Variants in PPFIBP1 observed in about 807,000 individuals in gnomAD.
PPFIBP1 encodes PPFIB scaffold protein 1.
In PPFIBP1, 112 loss-of-function variants were observed where a neutral mutation model predicts 137.8. That is an observed-to-expected ratio of 0.81 (90% CI 0.70 to 0.95). PPFIBP1 has a LOEUF of 0.95. PPFIBP1 is among the 40% of genes least tolerant of loss of function. The probability of loss-of-function intolerance (pLI) is 0.00; values close to 1 mark genes in which losing one functional copy is unlikely to be tolerated. For synonymous variants in PPFIBP1, 378 were observed against 417.3 expected (o/e 0.91, Z 1.15); for missense variants, 1,083 against 1,196.6 (o/e 0.91, Z 1.40).
intron 1 of PPFIBP1, among the ~76,000 whole-genome samples, chr12:27,546,759 T>C (rs550556496): frequency 1.3e-5 from 2 of 152,274 alleles, no homozygotes; most frequent in South Asian, 4.1e-4. Flanking sequence ...ATGCCTGTAA[T>C]CCCAGCATTT....
intron 7 of PPFIBP1, 162 bp from the exon 8 acceptor site, chr12:27,654,560 C>T (rs1369717893): frequency 2.3e-6 from 2 of 857,070 alleles, no homozygotes; most frequent in South Asian, 4.1e-5. Context: ...AAGATGCCTT[C>T]GTTCTTAAGG....
At chr12:27,576,751 T>G (rs932573449) in intron 1 of PPFIBP1, among the ~76,000 whole-genome samples, 1 of 152,182 alleles carries the variant, frequency 6.6e-6, no homozygotes, top group African/African-American at 2.4e-5. Context: ...TAACATTGAT[T>G]GTTTCAGCTC....
At chr12:27,678,385 C>T (rs570027902) in intron 19 of PPFIBP1, among the ~76,000 whole-genome samples, 4 of 152,286 alleles carry the variant, frequency 2.6e-5, no homozygotes, top group African/African-American at 9.6e-5. Context: ...GTTCATTCTT[C>T]TCTCAGTGCC....
intron 6 of PPFIBP1, 122 bp downstream of exon 6, chr12:27,647,964 T>G: frequency 7.8e-7 from 1 of 1,276,978 alleles, no homozygotes; most frequent in Non-Finnish European, 1.0e-6. Flanking sequence ...GACCAGCACA[T>G]TAAAAAAAAA....
intron 2 of PPFIBP1, among the ~76,000 whole-genome samples, chr12:27,631,926 G>T (rs1592989465): frequency 6.6e-6 from 1 of 152,166 alleles, no homozygotes; most frequent in Non-Finnish European, 1.5e-5. Context: ...TATATAAGTG[G>T]TTATTAAATA....
In PPFIBP1 at chr12:27,525,854, A is replaced by G. The variant is rs574904890; in HGVS notation, c.-124+1489A>G. Among the ~76,000 whole-genome samples, 586 of 152,328 alleles carry G rather than the reference A, an allele frequency of 3.8e-3. 2 individuals are homozygous for G. The highest frequency in any genetic ancestry group is 6.8e-3 in the Middle Eastern group (2 of 294). On this transcript the variant is annotated intron_variant, in intron 1 of 29. Coordinates refer to ENST00000228425, the MANE Select transcript of PPFIBP1 (RefSeq NM_003622.4). ...GTGTTTGGTTGTGCTGTTGTTTATG[A>G]CATACCTGGGTCTGTATTGTTGTTA... is the stretch of plus-strand genomic sequence containing the variant.
At chr12:27,667,766 G>A (rs2059948027) in intron 13 of PPFIBP1, among the ~76,000 whole-genome samples, 1 of 152,190 alleles carries the variant, frequency 6.6e-6, no homozygotes, top group Non-Finnish European at 1.5e-5. Flanking sequence ...TCATCTGAAG[G>A]CTAACTCACT....
At chr12:27,529,860 T>C (rs1002952120) in intron 1 of PPFIBP1, among the ~76,000 whole-genome samples, 5 of 152,228 alleles carry the variant, frequency 3.3e-5, no homozygotes, top group Non-Finnish European at 5.9e-5. Context: ...GCAGTAATAC[T>C]GTACCATATC....
chr12:27,676,796 G>C (rs1247858655), intron 18 of PPFIBP1, 197 bp downstream of exon 18: 1 of 691,430 alleles, frequency 1.4e-6, no homozygotes, highest in Non-Finnish European at 2.5e-6. Flanking sequence ...CTCTCACCCT[G>C]CTCTCTCCTG....
chr12:27,594,783 A>G lies in PPFIBP1; in HGVS notation c.-36+16544A>G, dbSNP rs559249377. Among the ~76,000 whole-genome samples the G allele has an allele frequency of 4.6e-5, 7 of 152,308 alleles. No individual in the cohort carries two copies. The South Asian group carries it at 1.5e-3, about 32-fold the overall frequency. ...AATAACTATCAAAACATTTTGATGG[A>G]CTTCCTTATCTTTTCTATTTATATA... On this transcript the variant is annotated intron_variant, in intron 2 of 29. Coordinates refer to ENST00000228425, the MANE Select transcript of PPFIBP1 (RefSeq NM_003622.4).
chr12:27,648,323 G>A (rs773468233), intron 6 of PPFIBP1, among the ~76,000 whole-genome samples: 1 of 152,098 alleles, frequency 6.6e-6, no homozygotes, highest in Non-Finnish European at 1.5e-5. Flanking sequence ...AGCTAAAATG[G>A]CTTTTATCCA....
At chr12:27,674,811 A>ATTTTTTTT (rs72418237) in intron 17 of PPFIBP1, among the ~76,000 whole-genome samples, 10 of 108,706 alleles carry the variant, frequency 9.2e-5, no homozygotes, top group East Asian at 2.7e-4. Flanking sequence ...CTTTCCCCTG[A>ATTTTTTTT]TTTTTTTTTT....
At chr12:27,692,235 G>C (rs1210613981) in intron 28 of PPFIBP1, among the ~76,000 whole-genome samples, 2 of 152,168 alleles carry the variant, frequency 1.3e-5, no homozygotes, top group Non-Finnish European at 2.9e-5. Context: ...TGGCTCCAAA[G>C]CCTGTCATAT....
chr12:27,635,247 A>G lies in PPFIBP1; in HGVS notation c.270+132A>G. ...GTGCTCCGATTTTATTACTTAAGAT[A>G]TCTTAATTTTCTTTTGACTCTAAGG... On this transcript the variant is annotated intron_variant, in intron 4 of 29. Transcript: ENST00000228425. 3 of 823,896 alleles carry G rather than the reference A, an allele frequency of 3.6e-6. No homozygotes were observed. In the East Asian group the frequency reaches 7.9e-5, roughly 22 times the overall value. 51.0% of individuals were successfully genotyped at this position (823,896 alleles called of 1,614,324 possible).
intron 2 of PPFIBP1, among the ~76,000 whole-genome samples, chr12:27,624,960 A>G (rs2056685587): frequency 6.6e-6 from 1 of 152,244 alleles, no homozygotes; most frequent in Non-Finnish European, 1.5e-5. Context: ...GGAAAGCTTC[A>G]AATATATAAA....
In PPFIBP1 at chr12:27,677,045, G is replaced by A. The variant is rs199582365; in HGVS notation, c.1583-19G>A. 2.7e-5 allele frequency: 44 copies of A among 1,614,142 alleles called. No individual in the cohort carries two copies. Among genetic ancestry groups the A allele is most frequent in the Non-Finnish European group, 2.9e-5 (34 of 1,180,000 alleles). On this transcript the variant is annotated intron_variant, in intron 18 of 29. Coordinates refer to ENST00000228425, the MANE Select transcript of PPFIBP1 (RefSeq NM_003622.4). ...CATTGGGCTGCGTGTGATTGTGTGC[G>A]TTGTTGGGATATCTGAAGATCGTAA...
chr12:27,673,777 C>G lies in PPFIBP1; in HGVS notation c.1330C>G (p.Leu444Val). Residue 444 changes from leucine (L) to valine (V), a missense_variant, in exon 16 of 30, where the codon CTG (leucine) becomes GTG (valine). Transcript: ENST00000228425. ...QLCDKLLTSS[L>V]QKSSSLGNLK... ...TACTGTTATTTTTAGAACTTCAAGTCTGCAGAAGTCCAGCAGCCTGGGCAA... is the reference window on the plus strand; with the variant it reads ...TACTGTTATTTTTAGAACTTCAAGTGTGCAGAAGTCCAGCAGCCTGGGCAA... 1 of 1,612,992 alleles carries G rather than the reference C, an allele frequency of 6.2e-7. No homozygotes were observed. Among genetic ancestry groups the G allele is most frequent in the Non-Finnish European group, 8.5e-7 (1 of 1,179,342 alleles).
intron 12 of PPFIBP1, among the ~76,000 whole-genome samples, chr12:27,664,863 C>T (rs947580493): frequency 4.6e-5 from 7 of 152,230 alleles, no homozygotes; most frequent in African/African-American, 1.4e-4. Flanking sequence ...AGCTCTTGCT[C>T]AAGTGCAGAG....
At chr12:27,631,187 T>A (rs544618215) in intron 2 of PPFIBP1, among the ~76,000 whole-genome samples, 1 of 140,430 alleles carries the variant, frequency 7.1e-6, no homozygotes, top group African/African-American at 2.6e-5. Context: ...GCTTTTCATA[T>A]TTTTATTGGT....
Sources: gnomAD v4.1 joint callset for allele counts (sites outside exome capture counted in the v4.1 genomes callset) on GRCh38, gnomAD v4.1.1 for gene constraint, MANE v1.5 for transcripts, NCBI Gene and HGNC (gene_info 2026-07-23, HGNC 2026-07-21) for gene names.